The following VPS35L variants were observed in gnomAD, a reference collection of about 807,000 sequenced individuals.
VPS35L encodes the protein VPS35 endosomal protein sorting factor like.
Under a neutral mutation model 133.0 loss-of-function variants are expected in VPS35L, and 83 were observed. That is an observed-to-expected ratio of 0.62 (90% CI 0.52 to 0.75). The LOEUF (loss-of-function observed/expected upper bound fraction) is 0.75, where lower values mean the gene tolerates loss of function less well. VPS35L is among the 30% of genes least tolerant of loss of function. The probability of loss-of-function intolerance (pLI) is 0.00; values close to 1 mark genes in which losing one functional copy is unlikely to be tolerated. For missense variants in VPS35L, 1,083 were observed against 1,206.8 expected (o/e 0.90, Z 1.52); for synonymous variants, 423 against 449.9 (o/e 0.94, Z 0.76).
intron 28 of VPS35L, 34 bp downstream of exon 28, chr16:19,682,424 C>T (rs1474063714): frequency 6.3e-7 from 1 of 1,585,896 alleles, no homozygotes; most frequent in African/African-American, 1.4e-5. Context: ...CCATGCTCCG[C>T]ATGGATTTCA....
chr16:19,616,438 T>G (rs1450896910), intron 13 of VPS35L, among the ~76,000 whole-genome samples: 2 of 152,134 alleles, frequency 1.3e-5, no homozygotes, highest in African/African-American at 4.8e-5. Flanking sequence ...TCTGAGCATC[T>G]GCTGGCTCCA....
At chr16:19,623,740 T>C (rs1290224091) in intron 14 of VPS35L, among the ~76,000 whole-genome samples, 10 of 148,474 alleles carry the variant, frequency 6.7e-5, no homozygotes, top group Non-Finnish European at 1.2e-4. Context: ...CTTTTTTTTC[T>C]TTATTTTTTA....
At chr16:19,600,258 GA>G (rs10596954) in intron 8 of VPS35L, among the ~76,000 whole-genome samples, 81,837 of 145,612 alleles carry the variant, frequency 0.56, 22,634 homozygotes, top group Middle Eastern at 0.63. Context: ...AAAGGGTTAT[GA>G]AAAAAAAAAA....
chr16:19,676,006 C>A (rs1485049827), intron 27 of VPS35L, among the ~76,000 whole-genome samples: 1 of 152,098 alleles, frequency 6.6e-6, no homozygotes, highest in Non-Finnish European at 1.5e-5. Flanking sequence ...AATCCCAGCA[C>A]TTTAGGAGGC....
At chr16:19,677,988 G>A (rs1975123116) in intron 27 of VPS35L, among the ~76,000 whole-genome samples, 1 of 152,206 alleles carries the variant, frequency 6.6e-6, no homozygotes, top group South Asian at 2.1e-4. Context: ...GGTGCAGAAA[G>A]ATGAAGGGTC....
At chr16:19,570,489 C>T (rs181489654) in intron 3 of VPS35L, among the ~76,000 whole-genome samples, 23 of 152,254 alleles carry the variant, frequency 1.5e-4, no homozygotes, top group South Asian at 4.1e-4. Context: ...GAGCAATCCT[C>T]ATTCCAATCT....
chr16:19,573,165 G>T lies in VPS35L; in HGVS notation c.332G>T (p.Gly111Val), dbSNP rs1407535692. The change falls in exon 4 of 31, where the codon GGA (glycine) becomes GTA (valine). Residue 111 changes from glycine (G) to valine (V), a missense_variant. Gly to Val is a moderately radical substitution (Grantham distance 109). Transcript: ENST00000417362. ...KRDRDDNSVV[G>V]SDFEPWTNKR... Reference sequence around the variant, plus strand: ...GATAGAGATGATAACTCCGTTGTAGGATCGGATTTTGAGCCTTGGACCAAC... The same window carrying T: ...GATAGAGATGATAACTCCGTTGTAGTATCGGATTTTGAGCCTTGGACCAAC... 3 of 1,613,826 alleles carry T rather than the reference G, an allele frequency of 1.9e-6. No individual in the cohort carries two copies. The East Asian group carries it at 6.7e-5, about 36-fold the overall frequency.
At chr16:19,610,573 C>T in intron 12 of VPS35L, 158 bp downstream of exon 12, 1 of 478,526 alleles carries the variant, frequency 2.1e-6, no homozygotes, top group Non-Finnish European at 3.6e-6. Context: ...GAAAGTAGAA[C>T]TGTAGGGTTT....
intron 27 of VPS35L, among the ~76,000 whole-genome samples, chr16:19,674,176 TTC>T (rs1178974848): frequency 1.4e-5 from 2 of 139,000 alleles, no homozygotes; most frequent in African/African-American, 2.9e-5. Flanking sequence ...TTCAGTTTTT[TTC>T]TTTTTCTTTT....
At chr16:19,679,155 GC>G in intron 27 of VPS35L, among the ~76,000 whole-genome samples, 1 of 135,906 alleles carries the variant, frequency 7.4e-6, no homozygotes, top group African/African-American at 2.7e-5. Context: ...GGGTGGGGAG[GC>G]GGGGGGGCGG....
chr16:19,627,588 A>G (rs1433277863), intron 15 of VPS35L, 106 bp from the exon 16 acceptor site: 1 of 872,442 alleles, frequency 1.1e-6, no homozygotes, highest in East Asian at 2.4e-5. Context: ...CCCCAACCCT[A>G]CCGCTAAAGA....
chr16:19,626,282 G>T, intron 15 of VPS35L, 59 bp downstream of exon 15: 1 of 1,294,138 alleles, frequency 7.7e-7, no homozygotes, highest in Non-Finnish European at 1.1e-6. Context: ...TGCTATTTTT[G>T]AGCTTGGCCT....
chr16:19,586,641 G>A (rs946702646), intron 7 of VPS35L, among the ~76,000 whole-genome samples: 2 of 152,044 alleles, frequency 1.3e-5, no homozygotes, highest in African/African-American at 4.8e-5. Context: ...TGCCCAGTCA[G>A]AAGTTTTTAC....
At chr16:19,671,201 G>T (rs1974860590) in intron 27 of VPS35L, among the ~76,000 whole-genome samples, 1 of 152,180 alleles carries the variant, frequency 6.6e-6, no homozygotes, top group South Asian at 2.1e-4. Context: ...TGGGCACCGT[G>T]GCTCATGCCT....
intron 7 of VPS35L, among the ~76,000 whole-genome samples, chr16:19,586,989 G>A (rs546257836): frequency 1.3e-5 from 2 of 152,274 alleles, no homozygotes; most frequent in South Asian, 4.1e-4. Flanking sequence ...TCACAGTTCT[G>A]CAGGCTGTAT....
In VPS35L at chr16:19,628,718, G is replaced by A. The variant is rs1250566359; in HGVS notation, c.1465G>A (p.Ala489Thr). The change falls in exon 17 of 31, where the codon GCT (alanine) becomes ACT (threonine). Residue 489 changes from alanine to threonine, a missense_variant. Transcript: ENST00000417362. ...TGACCGACTTCAGATTCTCAACGAAGCTTGGAAAGTCATCACTAAGCTGAA... is the reference window on the plus strand; with the variant it reads ...TGACCGACTTCAGATTCTCAACGAAACTTGGAAAGTCATCACTAAGCTGAA... The part of the protein sequence containing the change: ...ESDRLQILNE[A>T]WKVITKLKNP... The A allele has an allele frequency of 6.3e-7, 1 of 1,593,642 alleles. No homozygotes were observed. The highest frequency in any genetic ancestry group is 8.6e-7 in the Non-Finnish European group (1 of 1,167,002).
intron 18 of VPS35L, among the ~76,000 whole-genome samples, chr16:19,632,722 T>C (rs1973495661): frequency 1.3e-5 from 2 of 152,224 alleles, no homozygotes; most frequent in Admixed American, 1.3e-4. Flanking sequence ...TCAGACAGCT[T>C]GTAAGGGTGA....
chr16:19,610,285 G>A lies in VPS35L; in HGVS notation c.930-37G>A, dbSNP rs752559775. On this transcript the variant is annotated intron_variant, in intron 11 of 30. Transcript: ENST00000417362. ...AAATTAAAGAACAGCGAGTTCTCAC[G>A]TCGAATATAATGCTGGCCTGTTTTT... The A allele has an allele frequency of 3.6e-5, 56 of 1,547,836 alleles. 1 individual carries two copies. In the South Asian group the frequency reaches 4.5e-4, roughly 12 times the overall value.
Position 19,573,195 on chromosome 16 carries a change from G to C in VPS35L, c.362G>C (p.Arg121Pro), listed in dbSNP as rs748328502. 4 of 1,613,778 alleles carry C rather than the reference G, an allele frequency of 2.5e-6. No individual in the cohort carries two copies. Among genetic ancestry groups the C allele is most frequent in the Non-Finnish European group, 3.4e-6 (4 of 1,179,882 alleles). ...GATTTTGAGCCTTGGACCAACAAAC[G>C]GGGAGAAATCCTTGCCCGGTACACC... is the stretch of plus-strand genomic sequence containing the variant. ...GSDFEPWTNK[R>P]GEILARYTTT... Residue 121 changes from arginine (R) to proline (P), a missense_variant, in exon 4 of 31, where the codon CGG becomes CCG. Arg to Pro is a moderately radical substitution (Grantham distance 103, BLOSUM62 -2). Coordinates refer to ENST00000417362, the MANE Select transcript of VPS35L (RefSeq NM_020314.7).
Sources: gnomAD v4.1 joint callset for allele counts (sites outside exome capture counted in the v4.1 genomes callset) on GRCh38, gnomAD v4.1.1 for gene constraint, MANE v1.5 for transcripts, NCBI Gene and HGNC (gene_info 2026-07-23, HGNC 2026-07-21) for gene names.